KATNIP: variants seen among roughly 807,000 people sequenced by gnomAD.
KATNIP encodes katanin-interacting protein.
In KATNIP, 126 loss-of-function variants were observed where a neutral mutation model predicts 174.0. The observed-to-expected ratio is 0.72, with a 90% confidence interval of 0.63 to 0.84. The LOEUF is 0.84. Among genes scored for constraint, KATNIP ranks in the 40% least tolerant of loss-of-function variants. KATNIP has a pLI of 0.00. For synonymous variants in KATNIP, 810 were observed against 835.7 expected, an observed-to-expected ratio of 0.97 and a Z score of 0.53; for missense variants, 1,958 against 2,109.7, an observed-to-expected ratio of 0.93 and a Z score of 1.41.
At position 27,777,137 on chromosome 16, in the gene KATNIP, C is replaced by G; in HGVS notation, c.4551+108C>G. ...TGATTTACTTCTCTCTGTTGCAACCCTCAACACAAATGCCTGGTCGTCAGA... is the reference window on the plus strand; with the variant it reads ...TGATTTACTTCTCTCTGTTGCAACCGTCAACACAAATGCCTGGTCGTCAGA... On this transcript the variant is annotated intron_variant, in intron 25 of 27. Transcript: ENST00000261588. The surrounding 1 kb of genome is among the most constrained non-coding windows in gnomAD (Gnocchi z 4.4). 2 of 757,828 alleles carry G rather than the reference C, an allele frequency of 2.6e-6. No homozygotes were observed. The highest frequency in any genetic ancestry group is 5.1e-5 in the East Asian group (2 of 39,316). 46.9% of individuals were successfully genotyped at this position (757,828 alleles called of 1,614,324 possible). A position where few individuals can be genotyped will look rare whatever the true frequency, so the allele number is the denominator to read the frequency against.
chr16:27,631,026 A>G (rs2076471559), intron 4 of KATNIP, 39 bp from the exon 5 acceptor site: 9 of 1,488,656 alleles, frequency 6.0e-6, no homozygotes, highest in Non-Finnish European at 8.3e-6. Context: ...GCTTGTCATC[A>G]GTGCCTCACC....
intron 5 of KATNIP, among the ~76,000 whole-genome samples, chr16:27,634,734 G>A (rs941499816): frequency 6.6e-6 from 1 of 152,134 alleles, no homozygotes; most frequent in Non-Finnish European, 1.5e-5. Flanking sequence ...TCCCTGGCTC[G>A]TGTGAGGCCA....
In KATNIP at chr16:27,712,951, A is replaced by C. The variant is rs373114996; in HGVS notation, c.1605+4031A>C. ...CTCTCAAGAAGCTGGAACTACAGGCACACACTACCACACTTGGTTAATTTG... is the reference window on the plus strand; with the variant it reads ...CTCTCAAGAAGCTGGAACTACAGGCCCACACTACCACACTTGGTTAATTTG... On this transcript the variant is annotated intron_variant, in intron 13 of 27. Coordinates refer to ENST00000261588, the MANE Select transcript of KATNIP (RefSeq NM_015202.5). Among the ~76,000 whole-genome samples, 47 of 152,198 alleles carry C rather than the reference A, an allele frequency of 3.1e-4. 3 individuals are homozygous for C. In the South Asian group the frequency reaches 9.8e-3, roughly 32 times the overall value.
intron 14 of KATNIP, among the ~76,000 whole-genome samples, chr16:27,723,137 G>A (rs1298203601): frequency 1.3e-5 from 2 of 152,184 alleles, no homozygotes; most frequent in African/African-American, 2.4e-5. Context: ...AAAGAACACA[G>A]CCTCCTAATC....
chr16:27,620,197 G>C (rs749101050), intron 3 of KATNIP, among the ~76,000 whole-genome samples: 10 of 152,180 alleles, frequency 6.6e-5, no homozygotes, highest in Non-Finnish European at 1.5e-4. Context: ...AAATTTGGGG[G>C]GACGTGTTGT....
intron 13 of KATNIP, among the ~76,000 whole-genome samples, chr16:27,710,499 T>C (rs931674341): frequency 4.6e-5 from 7 of 152,184 alleles, no homozygotes; most frequent in African/African-American, 1.7e-4. Flanking sequence ...TCATCTTTGC[T>C]ATGTTGGGCC....
intron 2 of KATNIP, among the ~76,000 whole-genome samples, chr16:27,587,988 T>C (rs2090964872): frequency 6.6e-6 from 1 of 151,424 alleles, no homozygotes; most frequent in African/African-American, 2.4e-5. Flanking sequence ...TGAACACGGC[T>C]CAAGTGATCC....
chr16:27,664,743 A>G (rs2077627395), intron 6 of KATNIP, among the ~76,000 whole-genome samples: 1 of 152,200 alleles, frequency 6.6e-6, no homozygotes, highest in Admixed American at 6.5e-5. Context: ...ATGTTTTTTG[A>G]GAGAGTGTAC....
At chr16:27,681,802 A>G (rs2078353693) in intron 8 of KATNIP, among the ~76,000 whole-genome samples, 1 of 152,208 alleles carries the variant, frequency 6.6e-6, no homozygotes, top group Non-Finnish European at 1.5e-5. Flanking sequence ...GGTGAAGTCC[A>G]AGGCAGTTGA....
At chr16:27,763,422 C>CATAGTGAG (rs1368127010) in intron 19 of KATNIP, among the ~76,000 whole-genome samples, 1 of 113,896 alleles carries the variant, frequency 8.8e-6, no homozygotes, top group African/African-American at 3.4e-5. Context: ...GCCTGGGCAA[C>CATAGTGAG]ATAGTGAGAT....
chr16:27,716,620 A>G (rs879842982), intron 13 of KATNIP, among the ~76,000 whole-genome samples: 2 of 152,138 alleles, frequency 1.3e-5, no homozygotes, highest in Non-Finnish European at 2.9e-5. Context: ...TTGTGTGTAC[A>G]TGTATATATT....
intron 6 of KATNIP, among the ~76,000 whole-genome samples, chr16:27,651,494 C>T (rs1230255916): frequency 6.6e-6 from 1 of 151,986 alleles, no homozygotes. Context: ...GCAAGCGCAA[C>T]CTGAAATGGA....
At chr16:27,603,195 A>G (rs189760272) in intron 2 of KATNIP, among the ~76,000 whole-genome samples, 3 of 152,184 alleles carry the variant, frequency 2.0e-5, no homozygotes, top group African/African-American at 7.2e-5. Context: ...GTACTTGGGG[A>G]AGTTGCAAAT....
chr16:27,656,751 G>T (rs1301575477), intron 6 of KATNIP, among the ~76,000 whole-genome samples: 1 of 141,006 alleles, frequency 7.1e-6, no homozygotes, highest in Admixed American at 7.5e-5. Context: ...AGATCACATG[G>T]ACACAGGAAG....
chr16:27,654,813 A>C, intron 6 of KATNIP: 1 of 1,283,396 alleles, frequency 7.8e-7, no homozygotes, highest in South Asian at 1.2e-5. Context: ...GCCTGCCTTA[A>C]GATGGACTCC....
In KATNIP at chr16:27,740,592, G is replaced by A. The variant is rs1050388313; in HGVS notation, c.2295G>A (p.Lys765=). ...CTTCTCCCACCGGCAAGGACAGGAA[G>A]CAGGGAGGCAGGAAGCCAAAACCCC... The part of the protein sequence containing the change: ...LQPSPTGKDR[K]QGGRKPKPLW... Residue 765 remains lysine (K), a synonymous_variant, in exon 15 of 28, where the codon AAG becomes AAA. Coordinates refer to ENST00000261588, the MANE Select transcript of KATNIP (RefSeq NM_015202.5). The A allele has an allele frequency of 6.2e-7, 1 of 1,614,220 alleles. No individual in the cohort carries two copies.
chr16:27,629,517 T>C (rs773069668), intron 4 of KATNIP, among the ~76,000 whole-genome samples: 2 of 152,240 alleles, frequency 1.3e-5, no homozygotes, highest in Non-Finnish European at 2.9e-5. Flanking sequence ...AGTTAATCTA[T>C]ACTGTGCATA....
intron 1 of KATNIP, among the ~76,000 whole-genome samples, chr16:27,570,893 C>CT (rs1358753615): frequency 6.6e-6 from 1 of 152,088 alleles, no homozygotes; most frequent in Non-Finnish European, 1.5e-5. Context: ...GACACGGAGT[C>CT]TATTTTAAGG....
chr16:27,734,009 C>A (rs2080801975), intron 14 of KATNIP, among the ~76,000 whole-genome samples: 1 of 152,032 alleles, frequency 6.6e-6, no homozygotes, highest in African/African-American at 2.4e-5. Context: ...ACACCCACCA[C>A]CCAGTGGAGG....
Sources: gnomAD v4.1 joint callset for allele counts (sites outside exome capture counted in the v4.1 genomes callset) on GRCh38, gnomAD v4.1.1 for gene constraint, Gnocchi (gnomAD v3.1) non-coding constraint, MANE v1.5 for transcripts, NCBI Gene and HGNC (gene_info 2026-07-23, HGNC 2026-07-21) for gene names.